FGD5: variants seen among roughly 807,000 people sequenced by gnomAD.
The protein encoded by FGD5 is FYVE, RhoGEF and PH domain containing 5.
In FGD5, 28 loss-of-function variants were observed where a neutral mutation model predicts 133.4. That is an observed-to-expected ratio of 0.21 (90% CI 0.16 to 0.29). FGD5 has a LOEUF of 0.29. Ranked by LOEUF, FGD5 falls within the 10% of genes least tolerant of loss-of-function variation. The probability of loss-of-function intolerance (pLI) is 1.00; values close to 1 mark genes in which losing one functional copy is unlikely to be tolerated. For missense variants in FGD5, 1,858 were observed against 1,895.2 expected, an observed-to-expected ratio of 0.98 and a Z score of 0.36; for synonymous variants, 810 against 776.5, an observed-to-expected ratio of 1.04 and a Z score of -0.72.
chr3:14,895,132 G>T (rs2125130312), intron 4 of FGD5, among the ~76,000 whole-genome samples: 1 of 152,262 alleles, frequency 6.6e-6, no homozygotes, highest in East Asian at 1.9e-4. Context: ...TGAATAGGTT[G>T]TACGTATTTT....
chr3:14,924,705 GT>G (rs2125159061), intron 17 of FGD5, among the ~76,000 whole-genome samples: 1 of 152,334 alleles, frequency 6.6e-6, no homozygotes, highest in Admixed American at 6.5e-5. Flanking sequence ...TTAATATCAA[GT>G]AGCAGGTAGC....
intron 1 of FGD5, among the ~76,000 whole-genome samples, chr3:14,856,676 C>A (rs188047514): frequency 1.3e-5 from 2 of 151,540 alleles, no homozygotes; most frequent in African/African-American, 2.4e-5. Flanking sequence ...CTTGAAAAAT[C>A]GTTCTCAGCT....
intron 1 of FGD5, among the ~76,000 whole-genome samples, chr3:14,824,016 A>G (rs2036556475): frequency 6.6e-6 from 1 of 152,222 alleles, no homozygotes; most frequent in Non-Finnish European, 1.5e-5. Flanking sequence ...GCTACAGCCT[A>G]GGGCCTTGGT....
chr3:14,834,049 T>C (rs2036768581), intron 1 of FGD5, among the ~76,000 whole-genome samples: 1 of 152,216 alleles, frequency 6.6e-6, no homozygotes, highest in Non-Finnish European at 1.5e-5. Flanking sequence ...AACCCCAACA[T>C]AGAAACCAAG....
intron 2 of FGD5, among the ~76,000 whole-genome samples, chr3:14,867,027 C>A (rs2037508590): frequency 6.6e-6 from 1 of 152,206 alleles, no homozygotes; most frequent in Non-Finnish European, 1.5e-5. Context: ...CCGTGCCCTC[C>A]TCCCCCTCAT....
chr3:14,882,581 C>T (rs766831579), intron 4 of FGD5, among the ~76,000 whole-genome samples: 3 of 151,694 alleles, frequency 2.0e-5, no homozygotes, highest in Non-Finnish European at 4.4e-5. Flanking sequence ...GCTTGTAATC[C>T]CAGCTACTCA....
chr3:14,928,373 A>AT (rs970852453), intron 18 of FGD5, among the ~76,000 whole-genome samples: 2 of 152,012 alleles, frequency 1.3e-5, no homozygotes, highest in African/African-American at 2.4e-5. Context: ...TGCCCAGCCT[A>AT]TTTTTTTCAA....
In FGD5 at chr3:14,922,795, A is replaced by G. The variant is rs562012982; in HGVS notation, c.3807+247A>G. Among the ~76,000 whole-genome samples, 7 of 152,258 alleles carry G rather than the reference A, an allele frequency of 4.6e-5. No individual in the cohort carries two copies. The highest frequency in any genetic ancestry group is 4.1e-4 in the South Asian group (2 of 4,824). ...ACAGAAAACCGTAGCATACGTGGCTATTGTGCTTGGAGAAAAAAGTATCAT... is the reference window on the plus strand; with the variant it reads ...ACAGAAAACCGTAGCATACGTGGCTGTTGTGCTTGGAGAAAAAAGTATCAT... On this transcript the variant is annotated intron_variant, in intron 15 of 19. Transcript: ENST00000285046. The surrounding 1 kb of genome is among the most constrained non-coding windows in gnomAD (Gnocchi z 4.1).
At chr3:14,880,137 A>G (rs1438498997) in intron 2 of FGD5, among the ~76,000 whole-genome samples, 1 of 152,128 alleles carries the variant, frequency 6.6e-6, no homozygotes. Flanking sequence ...GCTTGAGCCC[A>G]GGAGTTCAAG....
intron 4 of FGD5, among the ~76,000 whole-genome samples, chr3:14,881,962 A>G (rs529873495): frequency 4.3e-4 from 66 of 152,124 alleles, no homozygotes; most frequent in Non-Finnish European, 7.2e-4. Flanking sequence ...CCTGTCAGCA[A>G]TGTCACCCTG....
intron 1 of FGD5, among the ~76,000 whole-genome samples, chr3:14,823,748 GC>G (rs1266135255): frequency 6.6e-6 from 1 of 152,220 alleles, no homozygotes; most frequent in Non-Finnish European, 1.5e-5. Flanking sequence ...AATCACAAGA[GC>G]AAGTCCTTCA....
intron 4 of FGD5, chr3:14,882,352 C>G: frequency 1.7e-5 from 17 of 985,186 alleles, no homozygotes; most frequent in Non-Finnish European, 2.0e-5. Flanking sequence ...ATTGAAGCCC[C>G]TGGTAATCCA....
chr3:14,888,126 T>C (rs931754416), intron 4 of FGD5, among the ~76,000 whole-genome samples: 1 of 148,534 alleles, frequency 6.7e-6, no homozygotes, highest in African/African-American at 2.5e-5. Context: ...GCTATGAGCA[T>C]ACCACTATGC....
intron 1 of FGD5, among the ~76,000 whole-genome samples, chr3:14,840,791 G>A (rs1482317619): frequency 6.6e-6 from 1 of 152,162 alleles, no homozygotes; most frequent in Non-Finnish European, 1.5e-5. Context: ...GCATTGGGTT[G>A]TGTTTTGTTT....
At chr3:14,892,350 C>T (rs556404841) in intron 4 of FGD5, among the ~76,000 whole-genome samples, 1 of 152,214 alleles carries the variant, frequency 6.6e-6, no homozygotes, top group African/African-American at 2.4e-5. Flanking sequence ...TATAGGCGTG[C>T]ACCACCATGC....
intron 2 of FGD5, among the ~76,000 whole-genome samples, chr3:14,880,371 T>G (rs2037801780): frequency 6.6e-6 from 1 of 152,088 alleles, no homozygotes; most frequent in East Asian, 1.9e-4. Flanking sequence ...ATAAATACAT[T>G]TTTAAAATAA....
chr3:14,877,372 G>T (rs528116115), intron 2 of FGD5, among the ~76,000 whole-genome samples: 2 of 152,358 alleles, frequency 1.3e-5, no homozygotes, highest in Non-Finnish European at 1.5e-5. Context: ...TGGGTGGGAC[G>T]TGCAGAGGGG....
chr3:14,906,396 T>C (rs2038342114), intron 9 of FGD5, among the ~76,000 whole-genome samples: 1 of 152,218 alleles, frequency 6.6e-6, no homozygotes, highest in African/African-American at 2.4e-5. Flanking sequence ...CAAGGGGTTA[T>C]CGCCCCCGTC....
Position 14,922,471 on chromosome 3 carries a change from C to T in FGD5, c.3730C>T (p.His1244Tyr). The T allele has an allele frequency of 6.3e-7, 1 of 1,578,352 alleles. No homozygotes were observed. The highest frequency in any genetic ancestry group is 1.2e-5 in the South Asian group (1 of 85,720). ...GCCCCCCACCCTGGTGCCTGTCACACACGTCATGATGTGCATGAACTGCGG... is the reference window on the plus strand; with the variant it reads ...GCCCCCCACCCTGGTGCCTGTCACATACGTCATGATGTGCATGAACTGCGG... ...ERPPTLVPVT[H>Y]VMMCMNCGCD... The change falls in exon 15 of 20, where the codon CAC becomes TAC. Residue 1244 changes from histidine to tyrosine, a missense_variant. By Grantham distance (83) the His-to-Tyr change is moderately conservative. This residue lies in a region of FGD5 where 1,824 missense variants were observed against 1,848.9 expected (regional missense o/e 0.99). Coordinates refer to ENST00000285046, the MANE Select transcript of FGD5 (RefSeq NM_152536.4). The surrounding 1 kb of genome is among the most constrained non-coding windows in gnomAD (Gnocchi z 4.1).
Sources: allele counts gnomAD v4.1 joint callset (sites outside exome capture counted in the v4.1 genomes callset), GRCh38; gene constraint gnomAD v4.1.1; regional missense constraint gnomAD v4.1.1; non-coding constraint Gnocchi (gnomAD v3.1); transcripts MANE v1.5; gene names NCBI Gene and HGNC (gene_info 2026-07-23, HGNC 2026-07-21).